PLCXD3: variants seen among roughly 807,000 people sequenced by gnomAD.
PLCXD3 encodes PI-PLC X domain-containing protein 3.
In PLCXD3, 19 loss-of-function variants were observed where a neutral mutation model predicts 25.5. The observed-to-expected ratio is 0.75, with a 90% CI of 0.52 to 1.09. The LOEUF (loss-of-function observed/expected upper bound fraction) is 1.09. Ranked by LOEUF, PLCXD3 falls within the 50% of genes least tolerant of loss-of-function variation. The pLI is 0.00. For synonymous variants in PLCXD3, 174 were observed against 137.6 expected (o/e 1.26, Z -1.85); for missense variants, 411 against 388.1 (o/e 1.06, Z -0.50).
At position 41,348,603 on chromosome 5, in the gene PLCXD3, G is replaced by A. The variant is rs116588315; in HGVS notation, c.812+33223C>T. On this transcript the variant is annotated intron_variant, in intron 2 of 2. Transcript: ENST00000377801. The stretch of plus-strand genomic sequence containing the variant: ...CAGAAATCCCATCACCATCATATAA[G>A]ATGACCACTTACAAATACAGAAAAT... Among the ~76,000 whole-genome samples, 1,055 of 152,242 alleles carry A rather than the reference G, an allele frequency of 6.9e-3. 21 individuals are homozygous for A. The highest frequency in any genetic ancestry group is 0.024 in the African/African-American group (991 of 41,548).
chr5:41,487,582 G>A (rs1366685128), intron 1 of PLCXD3, among the ~76,000 whole-genome samples: 2 of 152,198 alleles, frequency 1.3e-5, no homozygotes, highest in African/African-American at 4.8e-5. Context: ...ATAAGCACTA[G>A]ATAATGTATA....
intron 1 of PLCXD3, among the ~76,000 whole-genome samples, chr5:41,466,742 T>G (rs576953128): frequency 6.6e-6 from 1 of 152,202 alleles, no homozygotes; most frequent in Non-Finnish European, 1.5e-5. Context: ...GTAATCATAG[T>G]TCTACCCTCT....
intron 2 of PLCXD3, among the ~76,000 whole-genome samples, chr5:41,350,365 T>C (rs1744424017): frequency 6.6e-6 from 1 of 152,226 alleles, no homozygotes; most frequent in Non-Finnish European, 1.5e-5. Flanking sequence ...CTGATTCTTT[T>C]TCTTTACTTG....
At chr5:41,331,088 C>G (rs2150474344) in intron 2 of PLCXD3, among the ~76,000 whole-genome samples, 1 of 152,228 alleles carries the variant, frequency 6.6e-6, no homozygotes, top group East Asian at 1.9e-4. Context: ...GTTGGAAGTT[C>G]TGGCCAGGGC....
intron 1 of PLCXD3, among the ~76,000 whole-genome samples, chr5:41,504,544 A>G (rs575740052): frequency 1.3e-5 from 2 of 152,302 alleles, no homozygotes; most frequent in East Asian, 3.9e-4. Flanking sequence ...AGCTTCCACA[A>G]TGGGTGACCA....
chr5:41,313,324 C>T lies in PLCXD3; in HGVS notation c.*293G>A, dbSNP rs1283861815. 1 of 323,648 alleles carries T rather than the reference C, an allele frequency of 3.1e-6. No homozygotes were observed. Among genetic ancestry groups the T allele is most frequent in the African/African-American group, 2.2e-5 (1 of 44,776 alleles). 20.0% of individuals were successfully genotyped at this position (323,648 alleles called of 1,614,324 possible). On this transcript the variant is annotated 3_prime_UTR_variant, in exon 3 of 3. Transcript: ENST00000377801. ...TAGAGAACCTAATCAAGTAAACACTCATGAATTCTATGTTACAAAGACTAA... is the reference window on the plus strand; with the variant it reads ...TAGAGAACCTAATCAAGTAAACACTTATGAATTCTATGTTACAAAGACTAA...
Position 41,310,749 on chromosome 5 carries a change from C to T in PLCXD3, c.*2868G>A, listed in dbSNP as rs149511699. The T allele has an allele frequency of 1.3e-5, 2 of 152,558 alleles. No homozygotes were observed. The highest frequency in any genetic ancestry group is 2.9e-5 in the Non-Finnish European group (2 of 68,022). The allele number at this position is 152,558 out of a possible 1,614,324, so 9.5% of individuals were successfully genotyped here. On this transcript the variant is annotated 3_prime_UTR_variant, in exon 3 of 3. Coordinates refer to ENST00000377801, the MANE Select transcript of PLCXD3 (RefSeq NM_001005473.3). ...CTCTAGCTGGAGGACCCATGGTTCC[C>T]TTCTACCTCTTCCCTCCTTTATAAA...
At chr5:41,326,429 C>T (rs1034750092) in intron 2 of PLCXD3, among the ~76,000 whole-genome samples, 13 of 152,152 alleles carry the variant, frequency 8.5e-5, no homozygotes, top group African/African-American at 3.1e-4. Context: ...AAGATATACC[C>T]AACTCTTCAG....
chr5:41,354,024 A>T (rs917291581), intron 2 of PLCXD3, among the ~76,000 whole-genome samples: 7 of 152,098 alleles, frequency 4.6e-5, no homozygotes, highest in Admixed American at 3.3e-4. Flanking sequence ...CTTCCTCTAG[A>T]CTTTTTTCTA....
At chr5:41,490,215 C>T (rs1411669538) in intron 1 of PLCXD3, among the ~76,000 whole-genome samples, 3 of 152,144 alleles carry the variant, frequency 2.0e-5, no homozygotes, top group Non-Finnish European at 4.4e-5. Context: ...GTCTTTGGTT[C>T]TGTTTATATG....
chr5:41,355,318 G>A (rs1744587143), intron 2 of PLCXD3, among the ~76,000 whole-genome samples: 1 of 152,196 alleles, frequency 6.6e-6, no homozygotes. Context: ...AATGGACAGA[G>A]CTACAAAGAA....
intron 1 of PLCXD3, among the ~76,000 whole-genome samples, chr5:41,432,430 A>G (rs1473449288): frequency 1.3e-5 from 2 of 151,926 alleles, no homozygotes; most frequent in Non-Finnish European, 2.9e-5. Context: ...GAAAGTAAGA[A>G]GGGGATGAAA....
chr5:41,387,501 T>C (rs1745674695), intron 1 of PLCXD3, among the ~76,000 whole-genome samples: 1 of 152,118 alleles, frequency 6.6e-6, no homozygotes, highest in African/African-American at 2.4e-5. Context: ...TACAGTATAG[T>C]TGAGAAAATT....
intron 1 of PLCXD3, among the ~76,000 whole-genome samples, chr5:41,391,509 C>A (rs1195756242): frequency 1.3e-5 from 2 of 152,164 alleles, no homozygotes; most frequent in East Asian, 3.9e-4. Context: ...TGCCGGCATT[C>A]ATCACCTGCT....
Position 41,505,036 on chromosome 5 carries a change from T to C in PLCXD3, c.103+5388A>G, listed in dbSNP as rs556376203. Among the ~76,000 whole-genome samples the C allele has an allele frequency of 2.0e-5, 3 of 152,330 alleles. No individual in the cohort carries two copies. The South Asian group carries it at 6.2e-4, about 32-fold the overall frequency. On this transcript the variant is annotated intron_variant, in intron 1 of 2. Transcript: ENST00000377801. ...TATTTTCATTACTGATTTATGGCAC[T>C]CAACAGTTTTCATCTTCTTTATAAT...
intron 2 of PLCXD3, among the ~76,000 whole-genome samples, chr5:41,348,832 C>T (rs1048689264): frequency 6.6e-6 from 1 of 152,066 alleles, no homozygotes; most frequent in Non-Finnish European, 1.5e-5. Flanking sequence ...TTTAAACCTC[C>T]TGGGAATGAA....
intron 1 of PLCXD3, among the ~76,000 whole-genome samples, chr5:41,459,138 C>T (rs148440205): frequency 1.6e-4 from 24 of 151,878 alleles, no homozygotes; most frequent in Middle Eastern, 6.8e-3. Flanking sequence ...TCAAAGAATC[C>T]CTTCTCTTTC....
At chr5:41,346,302 A>G (rs2150479430) in intron 2 of PLCXD3, among the ~76,000 whole-genome samples, 1 of 152,350 alleles carries the variant, frequency 6.6e-6, no homozygotes, top group Middle Eastern at 3.4e-3. Context: ...TTAGTGGAGT[A>G]TATTTGTTAG....
At chr5:41,436,244 A>G (rs10512770) in intron 1 of PLCXD3, among the ~76,000 whole-genome samples, 112,221 of 151,454 alleles carry the variant, frequency 0.74, 42,199 homozygotes, top group Admixed American at 0.82. Context: ...GCAGTTTTAA[A>G]GCTATGTATC....
Sources: gnomAD v4.1 joint callset for allele counts (sites outside exome capture counted in the v4.1 genomes callset) on GRCh38, gnomAD v4.1.1 for gene constraint, MANE v1.5 for transcripts, NCBI Gene and HGNC (gene_info 2026-07-23, HGNC 2026-07-21) for gene names.